Variants in SIX1 observed in about 807,000 individuals in gnomAD.
SIX1 encodes homeobox protein SIX1.
In SIX1, 11 loss-of-function variants were observed where a neutral mutation model predicts 26.5. The ratio of observed to expected loss-of-function variants is 0.41; its 90% CI spans 0.26 to 0.69. SIX1 has a LOEUF of 0.69. SIX1 is among the 30% of genes least tolerant of loss of function. SIX1 has a pLI of 0.28. For synonymous variants in SIX1, 177 were observed against 166.2 expected (o/e 1.06, Z -0.50); for missense variants, 333 against 365.9 (o/e 0.91, Z 0.73).
rs998630227 is a variant in SIX1, at chr14:60,647,140, G to A, written c.561-563C>T. Among the ~76,000 whole-genome samples the A allele has an allele frequency of 4.6e-5, 7 of 152,190 alleles. No homozygotes were observed. The highest frequency in any genetic ancestry group is 7.2e-5 in the African/African-American group (3 of 41,458). Reference sequence around the variant, plus strand: ...TTTTGCAGACACAGAACAGGTCATGGGAAGTGGTGCCCAGCGCGGCCCAGT... The same window carrying A: ...TTTTGCAGACACAGAACAGGTCATGAGAAGTGGTGCCCAGCGCGGCCCAGT... On this transcript the variant is annotated intron_variant, in intron 1 of 1. Coordinates refer to ENST00000645694, the MANE Select transcript of SIX1 (RefSeq NM_005982.4). The surrounding 1 kb of genome is among the most constrained non-coding windows in gnomAD (Gnocchi z 5.1).
In SIX1 at chr14:60,644,045, G is replaced by C. The variant is rs184373714; in HGVS notation, c.*2238C>G. On this transcript the variant is annotated 3_prime_UTR_variant, in exon 2 of 2. Transcript: ENST00000645694. Reference sequence around the variant, plus strand: ...AATTATCCCAGGCGGAGCTGGGAGAGTGGAGGGTAGTCACCGGAGTAGGAA... The same window carrying C: ...AATTATCCCAGGCGGAGCTGGGAGACTGGAGGGTAGTCACCGGAGTAGGAA... The C allele has an allele frequency of 6.6e-6, 1 of 152,190 alleles. No individual in the cohort carries two copies. Among genetic ancestry groups the C allele is most frequent in the Non-Finnish European group, 1.5e-5 (1 of 68,048 alleles). 9.4% of individuals were successfully genotyped at this position (152,190 alleles called of 1,614,324 possible).
In SIX1 at chr14:60,648,999, C is replaced by T. The variant is rs1051653507; in HGVS notation, c.191G>A (p.Arg64His). The change falls in exon 1 of 2, where the codon CGT becomes CAT. Residue 64 changes from arginine (R) to histidine (H), a missense_variant. Physicochemically the swap from Arg to His is conservative, Grantham distance 29. Around this residue, in one of 3 missense-constraint regions of SIX1, gnomAD observed 133 missense variants for 131.8 expected, o/e 1.01. Coordinates refer to ENST00000645694, the MANE Select transcript of SIX1 (RefSeq NM_005982.4). This position sits in a 1 kb window ranked among gnomAD's most constrained non-coding sequence, Gnocchi z 7.9. ...GCTCTCCAGGATCTTGTAGAGCTCA[C>T]GGAAGTTGCCGCGGTGGAAGGCGAC... ...AVVAFHRGNF[R>H]ELYKILESHQ... The T allele has an allele frequency of 6.4e-5, 103 of 1,614,026 alleles. No homozygotes were observed. Among genetic ancestry groups the T allele is most frequent in the Non-Finnish European group, 8.6e-5 (101 of 1,180,034 alleles).
At chr14:60,646,781 G>A (rs1205292051) in intron 1 of SIX1, among the ~76,000 whole-genome samples, 1 of 152,158 alleles carries the variant, frequency 6.6e-6, no homozygotes, top group African/African-American at 2.4e-5. Flanking sequence ...GAGGAACCTG[G>A]AGAAATGGAG....
chr14:60,649,402 G>T lies in SIX1; in HGVS notation c.-213C>A, dbSNP rs771815597. On this transcript the variant is annotated 5_prime_UTR_variant, in exon 1 of 2. Transcript: ENST00000645694. The surrounding 1 kb of genome is among the most constrained non-coding windows in gnomAD (Gnocchi z 5.1). ...GGAGGTTCTGGACACGGAACGGCCG[G>T]CGCACTCAGTAGCCTTTAAGGCCTT... The T allele has an allele frequency of 1.9e-5, 11 of 575,664 alleles. No homozygotes were observed. The highest frequency in any genetic ancestry group is 3.1e-5 in the Non-Finnish European group (10 of 323,252). The allele number at this position is 575,664 out of a possible 1,614,324, so 35.7% of individuals were successfully genotyped here.
Position 60,646,356 on chromosome 14 carries a change from T to C in SIX1, c.782A>G (p.Gln261Arg), listed in dbSNP as rs780802037. The C allele has an allele frequency of 3.1e-6, 5 of 1,614,092 alleles. No homozygotes were observed. The South Asian group carries it at 5.5e-5, about 18-fold the overall frequency. The change falls in exon 2 of 2, where the codon CAG becomes CGG. Residue 261 changes from glutamine to arginine, a missense_variant. Gln to Arg is a conservative substitution (Grantham distance 43). Around this residue, in one of 3 missense-constraint regions of SIX1, gnomAD observed 199 missense variants for 215.2 expected, o/e 0.92. Transcript: ENST00000645694. The part of the protein sequence containing the change: ...LTASQPSHGL[Q>R]THQHQLQDSL... ...GTCTTGGAGCTGATGCTGGTGGGTC[T>C]GCAGGCCGTGACTGGGCTGCGAGGC...
chr14:60,646,958 CTG>C (rs1894953925), intron 1 of SIX1, among the ~76,000 whole-genome samples: 1 of 152,178 alleles, frequency 6.6e-6, no homozygotes, highest in African/African-American at 2.4e-5. Context: ...TTAAATGTAA[CTG>C]AAAATCTTTC....
rs1402385781 is a variant in SIX1, at chr14:60,647,664, A to T, written c.560+966T>A. 6.6e-6 allele frequency among the ~76,000 whole-genome samples: 1 copy of T among 151,804 alleles called. No homozygotes were observed. Among genetic ancestry groups the T allele is most frequent in the African/African-American group, 2.4e-5 (1 of 41,310 alleles). ...TCTTCGGCCCCTAGTCTTGGAAGCG[A>T]ACAAAGGAAAACCTAACCGGCCCCT... On this transcript the variant is annotated intron_variant, in intron 1 of 1. Transcript: ENST00000645694. This position sits in a 1 kb window ranked among gnomAD's most constrained non-coding sequence, Gnocchi z 5.1.
rs1195840852 is a variant in SIX1 at position 60,648,755 on chromosome 14, G to C, written c.435C>G (p.His145Gln). 6.2e-7 allele frequency: 1 copy of C among 1,614,136 alleles called. No homozygotes were observed. The highest frequency in any genetic ancestry group is 1.3e-5 in the African/African-American group (1 of 75,080). ...SRGVLREWYA[H>Q]NPYPSPREKR... is the part of the protein sequence containing the mutation. ...TCTCACGCGGCGATGGGTAGGGATT[G>C]TGCGCGTACCACTCCCGCAGGACAC... is the stretch of plus-strand genomic sequence containing the variant. The change falls in exon 1 of 2, where the codon CAC (histidine) becomes CAG (glutamine). Residue 145 changes from histidine (H) to glutamine (Q), a missense_variant. This residue lies in a region of SIX1 where 199 missense variants were observed against 215.2 expected (regional missense o/e 0.92). Coordinates refer to ENST00000645694, the MANE Select transcript of SIX1 (RefSeq NM_005982.4). The surrounding 1 kb of genome is among the most constrained non-coding windows in gnomAD (Gnocchi z 7.9).
rs1894938537 is a variant in SIX1, at chr14:60,646,284, T to C, written c.854A>G (p.Ter285=). 3 of 1,611,698 alleles carry C rather than the reference T, an allele frequency of 1.9e-6. No individual in the cohort carries two copies. The highest frequency in any genetic ancestry group is 2.5e-6 in the Non-Finnish European group (3 of 1,179,014). Residue 285 remains the stop codon, a stop_retained_variant, in exon 2 of 2, where the codon TAA becomes TGA. Coordinates refer to ENST00000645694, the MANE Select transcript of SIX1 (RefSeq NM_005982.4). ...TTCGAGGCCCCAGTCCCTCCCCACT[T>C]AGGACCCCAAGTCCACCAGACTGGA... The part of the protein sequence containing the change: ...LTSSLVDLGS[*]
rs1236315675 is a variant in SIX1 at position 60,648,657 on chromosome 14, C to T, written c.533G>A (p.Arg178Lys). Residue 178 changes from arginine to lysine, a missense_variant, in exon 1 of 2, where the codon AGA (arginine) becomes AAA (lysine). Arg to Lys is a conservative substitution (Grantham distance 26). Transcript: ENST00000645694. The surrounding 1 kb of genome is among the most constrained non-coding windows in gnomAD (Gnocchi z 7.9). Reference protein sequence around the residue: ...VSNWFKNRRQRDRAAEAKERE... With the variant: ...VSNWFKNRRQKDRAAEAKERE... ...TTCCTTGGCCTCCGCGGCCCGGTCT[C>T]TTTGCCTCCGGTTCTTAAACCAGTT... 1 of 1,613,932 alleles carries T rather than the reference C, an allele frequency of 6.2e-7. No individual in the cohort carries two copies. Among genetic ancestry groups the T allele is most frequent in the Non-Finnish European group, 8.5e-7 (1 of 1,179,978 alleles).
chr14:60,648,439 C>G lies in SIX1; in HGVS notation c.560+191G>C, dbSNP rs979938166. ...CGGGTGCTCAAAGCAAATGAGGCCC[C>G]ATCCTTAGCAAGGAACCTCAGAGTT... On this transcript the variant is annotated intron_variant, in intron 1 of 1. Coordinates refer to ENST00000645694, the MANE Select transcript of SIX1 (RefSeq NM_005982.4). The surrounding 1 kb of genome is among the most constrained non-coding windows in gnomAD (Gnocchi z 7.9). 6.6e-6 allele frequency among the ~76,000 whole-genome samples: 1 copy of G among 152,256 alleles called. No homozygotes were observed. The highest frequency in any genetic ancestry group is 6.5e-5 in the Admixed American group (1 of 15,290).
Position 60,646,016 on chromosome 14 carries a change from GGT to G in SIX1, c.*265_*266del. The G allele has an allele frequency of 3.5e-5, 7 of 197,938 alleles. No homozygotes were observed. The highest frequency in any genetic ancestry group is 6.7e-5 in the African/African-American group (2 of 29,870). 12.3% of individuals were successfully genotyped at this position (197,938 alleles called of 1,614,324 possible). A position where few individuals can be genotyped will look rare whatever the true frequency, so the allele number is the denominator to read the frequency against. On this transcript the variant is annotated 3_prime_UTR_variant, in exon 2 of 2. Coordinates refer to ENST00000645694, the MANE Select transcript of SIX1 (RefSeq NM_005982.4). ...GTGCCTGGGTGCTTTTGTTTGTTTG[GGT>G]TTTTTTTTTTTTTTTTCCCTGATCT...
Position 60,646,047 on chromosome 14 carries a change from C to G in SIX1, c.*236G>C. The G allele has an allele frequency of 5.4e-6, 2 of 373,162 alleles. No individual in the cohort carries two copies. 23.1% of individuals were successfully genotyped at this position (373,162 alleles called of 1,614,324 possible). On this transcript the variant is annotated 3_prime_UTR_variant, in exon 2 of 2. Coordinates refer to ENST00000645694, the MANE Select transcript of SIX1 (RefSeq NM_005982.4). ...TTTTTTTTTTTTTCCCTGATCTCTG[C>G]ATTGGGAAGGAAAATGCAAAAGTGG...
In SIX1 at chr14:60,648,804, T is replaced by TA; in HGVS notation, c.385dup (p.Tyr129LeufsTer25). On this transcript the variant is annotated frameshift_variant, in exon 1 of 2. Transcript: ENST00000645694. LOFTEE classifies it high-confidence loss of function. This position sits in a 1 kb window ranked among gnomAD's most constrained non-coding sequence, Gnocchi z 7.9. ...ACCCCTCGACTTCTCCTTGAAGCAG[T>TA]AGCTGGTCTCCTCGCCGTCCCAGAT... 6.2e-7 allele frequency: 1 copy of TA among 1,614,204 alleles called. No homozygotes were observed. Among genetic ancestry groups the TA allele is most frequent in the Non-Finnish European group, 8.5e-7 (1 of 1,180,028 alleles).
chr14:60,646,124 T>C lies in SIX1; in HGVS notation c.*159A>G. Reference sequence around the variant, plus strand: ...AGCTTGAGATCGCTGTTGGTTTTGATTTTTAAAAAGATATTTGTGAAAGTC... The same window carrying C: ...AGCTTGAGATCGCTGTTGGTTTTGACTTTTAAAAAGATATTTGTGAAAGTC... On this transcript the variant is annotated 3_prime_UTR_variant, in exon 2 of 2. Coordinates refer to ENST00000645694, the MANE Select transcript of SIX1 (RefSeq NM_005982.4). The C allele has an allele frequency of 1.5e-6, 1 of 680,622 alleles. No homozygotes were observed. Among genetic ancestry groups the C allele is most frequent in the Non-Finnish European group, 2.4e-6 (1 of 417,312 alleles). 42.2% of individuals were successfully genotyped at this position (680,622 alleles called of 1,614,324 possible). A position where few individuals can be genotyped will look rare whatever the true frequency, so the allele number is the denominator to read the frequency against.
chr14:60,649,039 T>G lies in SIX1; in HGVS notation c.151A>C (p.Lys51Gln). 1 of 1,613,972 alleles carries G rather than the reference T, an allele frequency of 6.2e-7. No individual in the cohort carries two copies. Among genetic ancestry groups the G allele is most frequent in the Non-Finnish European group, 8.5e-7 (1 of 1,180,016 alleles). Residue 51 changes from lysine (K) to glutamine (Q), a missense_variant, in exon 1 of 2, where the codon AAG becomes CAG. Transcript: ENST00000645694. This position sits in a 1 kb window ranked among gnomAD's most constrained non-coding sequence, Gnocchi z 5.1. ...DHLHKNESVL[K>Q]AKAVVAFHRG... ...TGGAAGGCGACCACCGCCTTGGCCT[T>G]GAGTACGCTCTCGTTCTTGTGCAGG...
Position 60,647,920 on chromosome 14 carries a change from C to A in SIX1, c.560+710G>T, listed in dbSNP as rs919187699. The stretch of plus-strand genomic sequence containing the variant: ...GGGCTGCGACTGGAGACCCTTTCCT[C>A]GTCTGGGCATGCGGCGCGGTCAGCC... On this transcript the variant is annotated intron_variant, in intron 1 of 1. Transcript: ENST00000645694. This position sits in a 1 kb window ranked among gnomAD's most constrained non-coding sequence, Gnocchi z 5.1. Among the ~76,000 whole-genome samples the A allele has an allele frequency of 6.6e-6, 1 of 152,228 alleles. No homozygotes were observed. The highest frequency in any genetic ancestry group is 1.5e-5 in the Non-Finnish European group (1 of 68,038).
At position 60,646,429 on chromosome 14, in the gene SIX1, T is replaced by A; in HGVS notation, c.709A>T (p.Asn237Tyr). Reference protein sequence around the residue: ...DQNSVLLLQGNMGHARSSNYS... With the variant: ...DQNSVLLLQGYMGHARSSNYS... ...TTTGAGCTCCTGGCGTGGCCCATAT[T>A]GCCCTGCAGCAGAAGGACCGAGTTC... is the stretch of plus-strand genomic sequence containing the variant. Residue 237 changes from asparagine (N) to tyrosine (Y), a missense_variant, in exon 2 of 2, where the codon AAT becomes TAT. Coordinates refer to ENST00000645694, the MANE Select transcript of SIX1 (RefSeq NM_005982.4). 6.2e-7 allele frequency: 1 copy of A among 1,614,052 alleles called. No individual in the cohort carries two copies. The highest frequency in any genetic ancestry group is 8.5e-7 in the Non-Finnish European group (1 of 1,179,996).
Position 60,649,224 on chromosome 14 carries a change from A to G in SIX1, c.-35T>C, listed in dbSNP as rs1343145908. 1.9e-6 allele frequency: 3 copies of G among 1,591,710 alleles called. No homozygotes were observed. The highest frequency in any genetic ancestry group is 2.2e-5 in the East Asian group (1 of 44,706). The stretch of plus-strand genomic sequence containing the variant: ...CTGCCGGGGCGCACGGCCCAGGCGC[A>G]CGCGGCAGGGAGCAGAGCCGAGAGG... On this transcript the variant is annotated 5_prime_UTR_variant, in exon 1 of 2. Coordinates refer to ENST00000645694, the MANE Select transcript of SIX1 (RefSeq NM_005982.4). This position sits in a 1 kb window ranked among gnomAD's most constrained non-coding sequence, Gnocchi z 5.1.
Sources: gnomAD v4.1 joint callset for allele counts (sites outside exome capture counted in the v4.1 genomes callset) on GRCh38, gnomAD v4.1.1 for gene constraint, gnomAD v4.1.1 regional missense constraint, Gnocchi (gnomAD v3.1) non-coding constraint, MANE v1.5 for transcripts, NCBI Gene and HGNC (gene_info 2026-07-23, HGNC 2026-07-21) for gene names.